The following SLC26A4 variants were observed in gnomAD, a reference collection of about 807,000 sequenced individuals.
The protein encoded by SLC26A4 is pendrin.
Under a neutral mutation model 90.4 loss-of-function variants are expected in SLC26A4, and 93 were observed. That is an observed-to-expected ratio of 1.03 (90% CI 0.87 to 1.22). SLC26A4 has a LOEUF of 1.22. SLC26A4 is among the 50% of genes most tolerant of loss of function. The pLI is 0.00. For missense variants in SLC26A4, 1,127 were observed against 946.2 expected, an observed-to-expected ratio of 1.19 and a Z score of -2.51; for synonymous variants, 393 against 354.6, an observed-to-expected ratio of 1.11 and a Z score of -1.22.
Position 107,689,088 on chromosome 7 carries a change from T to C in SLC26A4, c.1037T>C (p.Phe346Ser), listed in dbSNP as rs567697912. The change falls in exon 9 of 21, where the codon TTC (phenylalanine) becomes TCC (serine). Residue 346 changes from phenylalanine (F) to serine (S), a missense_variant. Phe to Ser is a radical substitution (Grantham distance 155, BLOSUM62 -2). Coordinates refer to ENST00000644269, the MANE Select transcript of SLC26A4 (RefSeq NM_000441.2). ...CCTGAACTTCCACCTGTGAGCTTGT[T>C]CTCGGAGATGCTGGCTGCATCATTT... ...LPPELPPVSL[F>S]SEMLAASFSI... is the part of the protein sequence containing the mutation. The C allele has an allele frequency of 1.2e-6, 2 of 1,614,002 alleles. No individual in the cohort carries two copies. The highest frequency in any genetic ancestry group is 2.7e-5 in the African/African-American group (2 of 75,026).
intron 8 of SLC26A4, among the ~76,000 whole-genome samples, chr7:107,686,476 T>G (rs1480912408): frequency 6.7e-6 from 1 of 148,948 alleles, no homozygotes; most frequent in Non-Finnish European, 1.5e-5. Context: ...CCTTCTTTCT[T>G]TCTTTTTCTT....
intron 6 of SLC26A4, among the ~76,000 whole-genome samples, chr7:107,679,290 T>C: frequency 6.6e-6 from 1 of 152,200 alleles, no homozygotes; most frequent in East Asian, 1.9e-4. Flanking sequence ...TTGATTAGAT[T>C]TGTTACTTTG....
intron 20 of SLC26A4, among the ~76,000 whole-genome samples, chr7:107,713,588 C>T (rs6975897): frequency 0.47 from 71,918 of 152,014 alleles, 17,153 homozygotes; most frequent in East Asian, 0.63. Context: ...TCTCTGGTCA[C>T]GATGGGGACA....
intron 6 of SLC26A4, among the ~76,000 whole-genome samples, chr7:107,681,636 C>T (rs1791232197): frequency 6.6e-6 from 1 of 152,092 alleles, no homozygotes; most frequent in African/African-American, 2.4e-5. Flanking sequence ...TTAAATCCTG[C>T]CTTCTACAGG....
intron 10 of SLC26A4, chr7:107,692,994 C>G (rs1791618726): frequency 1.3e-5 from 2 of 152,204 alleles, no homozygotes; most frequent in South Asian, 2.1e-4. Context: ...GGTCCTTGTC[C>G]CCAAATCTCC....
chr7:107,674,284 C>T lies in SLC26A4; in HGVS notation c.536C>T (p.Ala179Val), dbSNP rs1790956789. Residue 179 changes from alanine (A) to valine (V), a missense_variant, in exon 5 of 21, where the codon GCA becomes GTA. Transcript: ENST00000644269. ...TVLNTTMIDT[A>V]ARDTARVLIA... is the part of the protein sequence containing the mutation. ...TTAAATACTACTATGATAGACACTG[C>T]AGCTAGAGATACAGCTAGAGTCCTG... is the stretch of plus-strand genomic sequence containing the variant. 6.2e-7 allele frequency: 1 copy of T among 1,613,550 alleles called. No individual in the cohort carries two copies. The highest frequency in any genetic ancestry group is 1.3e-5 in the African/African-American group (1 of 74,902).
chr7:107,685,775 TC>T (rs1791380158), intron 8 of SLC26A4, among the ~76,000 whole-genome samples: 1 of 152,204 alleles, frequency 6.6e-6, no homozygotes, highest in Admixed American at 6.5e-5. Context: ...ATGCAACTGG[TC>T]CTTATCTGCA....
At chr7:107,707,333 G>C (rs566873031) in intron 18 of SLC26A4, among the ~76,000 whole-genome samples, 28 of 152,244 alleles carry the variant, frequency 1.8e-4, no homozygotes, top group African/African-American at 6.0e-4. Flanking sequence ...TTTGATCTTG[G>C]CTGGTAGTTT....
In SLC26A4 at chr7:107,712,573, A is replaced by G. The variant is rs964783032; in HGVS notation, c.2270A>G (p.Glu757Gly). 2.5e-6 allele frequency: 4 copies of G among 1,591,744 alleles called. No homozygotes were observed. Among genetic ancestry groups the G allele is most frequent in the Non-Finnish European group, 2.6e-6 (3 of 1,159,784 alleles). Residue 757 changes from glutamate (E) to glycine (G), a missense_variant, in exon 20 of 21, where the codon GAA becomes GGA. Glu to Gly is a moderately conservative substitution (Grantham distance 98). Coordinates refer to ENST00000644269, the MANE Select transcript of SLC26A4 (RefSeq NM_000441.2). ...ATTCAGGATTGTAAAGATACCCTTG[A>G]ATTAATAGAAACAGAGCTGACGGAA... ...TLIQDCKDTL[E>G]LIETELTEEE...
chr7:107,704,684 G>C (rs1791992724), intron 18 of SLC26A4, among the ~76,000 whole-genome samples: 1 of 152,198 alleles, frequency 6.6e-6, no homozygotes, highest in African/African-American at 2.4e-5. Flanking sequence ...CAGAGACAGT[G>C]AGACAGAACA....
At chr7:107,693,809 A>G in intron 10 of SLC26A4, 1 of 641,880 alleles carries the variant, frequency 1.6e-6, no homozygotes, top group Non-Finnish European at 2.0e-6. Context: ...GAACTGTCAG[A>G]GGAGGCAGGA....
Position 107,661,608 on chromosome 7 carries a change from TCCTC to T in SLC26A4, c.-3-25_-3-22del. ...TCCGATCGTCCTCGCTTACCGCGTG[TCCTC>T]CCTCCTCGCTGTCCTCTGGCTCGCA... is the stretch of plus-strand genomic sequence containing the variant. On this transcript the variant is annotated intron_variant, in intron 1 of 20. Transcript: ENST00000644269. This position sits in a 1 kb window ranked among gnomAD's most constrained non-coding sequence, Gnocchi z 5.1. 2.6e-6 allele frequency: 4 copies of T among 1,543,656 alleles called. No homozygotes were observed.
intron 2 of SLC26A4, 65 bp from the exon 3 acceptor site, chr7:107,663,231 T>C: frequency 1.3e-6 from 2 of 1,558,962 alleles, no homozygotes; most frequent in Non-Finnish European, 8.9e-7. Context: ...TTCATAACTT[T>C]GTGATTTGCA....
chr7:107,708,695 T>C (rs1003920005), intron 18 of SLC26A4, among the ~76,000 whole-genome samples: 9 of 151,300 alleles, frequency 5.9e-5, no homozygotes, highest in Non-Finnish European at 8.8e-5. Flanking sequence ...CTCTATTATT[T>C]TTTTTTTAAA....
rs1491372077 is a variant in SLC26A4, at chr7:107,682,130, A to AAAAG, written c.766-1072_766-1071insAAAG. Among the ~76,000 whole-genome samples, 70 of 73,404 alleles carry AAAAG rather than the reference A, an allele frequency of 9.5e-4. 1 individual carries two copies. The highest frequency in any genetic ancestry group is 3.3e-3 in the African/African-American group (66 of 19,974). 48.2% of individuals were successfully genotyped at this position (73,404 alleles called of 152,430 possible). On this transcript the variant is annotated intron_variant, in intron 6 of 20. Coordinates refer to ENST00000644269, the MANE Select transcript of SLC26A4 (RefSeq NM_000441.2). ...AAAAAAAAAAAAAAAAAAAAAAAAA[A>AAAAG]TTTTTTTTATGTTATCTTAGTTCAA...
chr7:107,673,829 A>G (rs1218724501), intron 4 of SLC26A4, among the ~76,000 whole-genome samples: 1 of 152,068 alleles, frequency 6.6e-6, no homozygotes, highest in Non-Finnish European at 1.5e-5. Flanking sequence ...CCCCAGCTCA[A>G]GCAATCCCCC....
intron 10 of SLC26A4, among the ~76,000 whole-genome samples, chr7:107,691,509 A>T (rs1016755798): frequency 8.6e-5 from 6 of 69,646 alleles, no homozygotes; most frequent in Admixed American, 1.9e-4. Flanking sequence ...TGTCAAATAT[A>T]TATATACACA....
At position 107,701,133 on chromosome 7, in the gene SLC26A4, G is replaced by A. The variant is rs573894071; in HGVS notation, c.1740G>A (p.Lys580=). 3.4e-5 allele frequency: 55 copies of A among 1,611,050 alleles called. 1 individual carries two copies. The Admixed American group carries it at 9.0e-4, about 26-fold the overall frequency. ...VGFDAIRVYN[K]RLKALRKIQK... ...TTGATGCCATTAGAGTATATAATAAGAGGCTGAAAGCGCTGAGGAAAATAC... is the reference window on the plus strand; with the variant it reads ...TTGATGCCATTAGAGTATATAATAAAAGGCTGAAAGCGCTGAGGAAAATAC... Residue 580 remains lysine (K), a synonymous_variant, in exon 16 of 21, where the codon AAG becomes AAA. Transcript: ENST00000644269.
At chr7:107,677,880 G>A (rs1439416459) in intron 6 of SLC26A4, among the ~76,000 whole-genome samples, 1 of 152,110 alleles carries the variant, frequency 6.6e-6, no homozygotes, top group Non-Finnish European at 1.5e-5. Context: ...GCCTCCCAAA[G>A]TTCTGGGATT....
Sources: gnomAD v4.1 joint callset for allele counts (sites outside exome capture counted in the v4.1 genomes callset) on GRCh38, gnomAD v4.1.1 for gene constraint, Gnocchi (gnomAD v3.1) non-coding constraint, MANE v1.5 for transcripts, NCBI Gene and HGNC (gene_info 2026-07-23, HGNC 2026-07-21) for gene names.